Variants in MECOM observed in about 807,000 individuals in gnomAD.
MECOM encodes the protein MDS1 and EVI1 complex locus.
In MECOM, 13 loss-of-function variants were observed where a neutral mutation model predicts 116.3. That is an observed-to-expected ratio of 0.11 (90% CI 0.07 to 0.18). The LOEUF is 0.18. Among genes scored for constraint, MECOM ranks in the 10% least tolerant of loss-of-function variants. The probability of loss-of-function intolerance (pLI) is 1.00; values close to 1 mark genes in which losing one functional copy is unlikely to be tolerated. For missense variants in MECOM, 1,299 were observed against 1,509.0 expected (o/e 0.86, Z 2.31); for synonymous variants, 528 against 535.2 (o/e 0.99, Z 0.19).
chr3:169,171,466 A>C (rs182840862), intron 2 of MECOM, among the ~76,000 whole-genome samples: 1 of 152,210 alleles, frequency 6.6e-6, no homozygotes. Flanking sequence ...TTGAGAAAAT[A>C]AATTAGAAAT....
intron 1 of MECOM, among the ~76,000 whole-genome samples, chr3:169,386,982 A>G (rs185431026): frequency 5.3e-5 from 8 of 152,264 alleles, no homozygotes; most frequent in East Asian, 1.9e-4. Context: ...CCCACTTTTA[A>G]TTAGGCTTTC....
intron 1 of MECOM, among the ~76,000 whole-genome samples, chr3:169,482,579 C>T (rs1421616177): frequency 6.6e-6 from 1 of 152,140 alleles, no homozygotes; most frequent in Non-Finnish European, 1.5e-5. Context: ...CGTGATCCGC[C>T]CGCCTCGGCC....
At chr3:169,302,675 C>T (rs1238190395) in intron 2 of MECOM, among the ~76,000 whole-genome samples, 1 of 151,968 alleles carries the variant, frequency 6.6e-6, no homozygotes, top group Non-Finnish European at 1.5e-5. Flanking sequence ...ACCAGCCTGG[C>T]CAACATGAGC....
chr3:169,155,056 T>G (rs985844365), intron 2 of MECOM, among the ~76,000 whole-genome samples: 1 of 152,218 alleles, frequency 6.6e-6, no homozygotes, highest in Non-Finnish European at 1.5e-5. Context: ...GTTTTGTTCC[T>G]ACTGATATCT....
intron 3 of MECOM, among the ~76,000 whole-genome samples, chr3:169,140,690 A>G (rs1465862416): frequency 6.6e-6 from 1 of 151,486 alleles, no homozygotes; most frequent in Non-Finnish European, 1.5e-5. Flanking sequence ...TCTGAAAAAA[A>G]AAAAATCTGA....
At chr3:169,346,103 G>A (rs1560158096) in intron 2 of MECOM, among the ~76,000 whole-genome samples, 1 of 152,020 alleles carries the variant, frequency 6.6e-6, no homozygotes. Context: ...AGTTTTAAGC[G>A]AAGCAAGACT....
intron 1 of MECOM, among the ~76,000 whole-genome samples, chr3:169,640,479 A>G (rs553758436): frequency 6.6e-6 from 1 of 152,354 alleles, no homozygotes; most frequent in Non-Finnish European, 1.5e-5. Context: ...ATGGAATTTG[A>G]GGAGAAACCT....
At chr3:169,414,874 T>C (rs1738267176) in intron 1 of MECOM, among the ~76,000 whole-genome samples, 1 of 151,818 alleles carries the variant, frequency 6.6e-6, no homozygotes, top group Non-Finnish European at 1.5e-5. Flanking sequence ...CCAAGAAATA[T>C]GGGAATATGT....
chr3:169,354,841 A>T (rs912304327), intron 2 of MECOM, among the ~76,000 whole-genome samples: 1 of 151,814 alleles, frequency 6.6e-6, no homozygotes, highest in Non-Finnish European at 1.5e-5. Context: ...AACAAGCCCC[A>T]GGAGACACAC....
rs1560118923 is a variant in MECOM, at chr3:169,093,016, G to A, written c.3106C>T (p.Arg1036Ter). Residue 1036 changes from arginine to a stop codon, truncating the protein, a stop_gained, in exon 14 of 17, where the codon CGA becomes TGA. Transcript: ENST00000651503. LOFTEE classifies it high-confidence loss of function. ...DKEDAYFTEI[R>*]NFIGNSNHGS... ...TGGTTGCTGTTCCCAATGAAATTTC[G>A]AATTTCTGTGAAGTAAGCATCTTCT... 1 of 1,613,610 alleles carries A rather than the reference G, an allele frequency of 6.2e-7. No homozygotes were observed. Among genetic ancestry groups the A allele is most frequent in the Admixed American group, 1.7e-5 (1 of 59,966 alleles).
Position 169,278,743 on chromosome 3 carries a change from C to A in MECOM, c.375+102444G>T, listed in dbSNP as rs543219027. On this transcript the variant is annotated intron_variant, in intron 2 of 16. Transcript: ENST00000651503. ...AATGCTTTAGCAGTCTTGGCCAGCA[C>A]AGTCCAAAGGGAGCAATGAAGGTTC... Among the ~76,000 whole-genome samples, 4 of 152,352 alleles carry A rather than the reference C, an allele frequency of 2.6e-5. No homozygotes were observed. In the East Asian group the frequency reaches 7.7e-4, roughly 29 times the overall value.
intron 2 of MECOM, among the ~76,000 whole-genome samples, chr3:169,344,748 C>T (rs545749634): frequency 7.9e-5 from 12 of 152,280 alleles, no homozygotes; most frequent in South Asian, 6.2e-4. Flanking sequence ...GCATAGTGAA[C>T]GGCCAAGGCC....
intron 2 of MECOM, among the ~76,000 whole-genome samples, chr3:169,193,063 G>A (rs944274570): frequency 7.2e-5 from 11 of 151,994 alleles, no homozygotes; most frequent in Non-Finnish European, 1.0e-4. Flanking sequence ...CAGACATGGG[G>A]TAAAAGTAGA....
rs766943193 is a variant in MECOM at position 169,131,505 on chromosome 3, A to G, written c.537T>C (p.Ile179=). Residue 179 remains isoleucine (I), a synonymous_variant, in exon 4 of 17, where the codon ATT becomes ATC. Coordinates refer to ENST00000651503, the MANE Select transcript of MECOM (RefSeq NM_004991.4). ...ACAGCAGAAGCTCCTCTCCCGGCGC[A>G]ATGTCTGCAACTACTCTATAGAATA... ...DQIFYRVVAD[I]APGEELLLFM... 2.5e-6 allele frequency: 4 copies of G among 1,613,728 alleles called. No homozygotes were observed. In the South Asian group the frequency reaches 3.3e-5, roughly 13 times the overall value.
chr3:169,385,876 A>G (rs1218348616), intron 1 of MECOM, among the ~76,000 whole-genome samples: 1 of 152,200 alleles, frequency 6.6e-6, no homozygotes, highest in Admixed American at 6.5e-5. Context: ...AAGAAGTGCC[A>G]TATATATCAG....
intron 1 of MECOM, among the ~76,000 whole-genome samples, chr3:169,405,985 T>C (rs1736634141): frequency 6.6e-6 from 1 of 152,218 alleles, no homozygotes; most frequent in South Asian, 2.1e-4. Flanking sequence ...GTGTGGAGAA[T>C]GTTGAAGATT....
chr3:169,326,005 G>A (rs1238085871), intron 2 of MECOM, among the ~76,000 whole-genome samples: 1 of 152,206 alleles, frequency 6.6e-6, no homozygotes, highest in Non-Finnish European at 1.5e-5. Flanking sequence ...AGGCTTAGAA[G>A]CCAGCCTAGG....
At chr3:169,633,910 A>C (rs539543460) in intron 1 of MECOM, among the ~76,000 whole-genome samples, 10 of 151,226 alleles carry the variant, frequency 6.6e-5, no homozygotes, top group African/African-American at 2.4e-4. Flanking sequence ...GGCAAAAAAA[A>C]AAAAAAAACA....
intron 2 of MECOM, among the ~76,000 whole-genome samples, chr3:169,276,964 G>A (rs889348202): frequency 1.3e-5 from 2 of 150,650 alleles, no homozygotes; most frequent in East Asian, 3.9e-4. Flanking sequence ...AACACAAACT[G>A]CAAAAAGACA....
Sources: allele counts gnomAD v4.1 joint callset (sites outside exome capture counted in the v4.1 genomes callset), GRCh38; gene constraint gnomAD v4.1.1; transcripts MANE v1.5; gene names NCBI Gene and HGNC (gene_info 2026-07-23, HGNC 2026-07-21).